SLC15A2: variants seen among roughly 807,000 people sequenced by gnomAD.
SLC15A2 encodes the protein solute carrier family 15 member 2, also known as kidney H(+)/peptide cotransporter.
Under a neutral mutation model 95.5 loss-of-function variants are expected in SLC15A2, and 77 were observed. That is an observed-to-expected ratio of 0.81 (90% CI 0.67 to 0.97). The LOEUF is 0.97. Among genes scored for constraint, SLC15A2 ranks in the 50% least tolerant of loss-of-function variants. The pLI is 0.00. For synonymous variants in SLC15A2, 306 were observed against 306.9 expected (o/e 1.00, Z 0.03); for missense variants, 893 against 874.4 (o/e 1.02, Z -0.27).
chr3:121,926,848 ATCCAAG>A (rs1710132627), intron 13 of SLC15A2, among the ~76,000 whole-genome samples: 3 of 152,260 alleles, frequency 2.0e-5, no homozygotes, highest in Admixed American at 1.3e-4. Flanking sequence ...GGGTGGAGCT[ATCCAAG>A]TCCTTGGGAG....
chr3:121,942,804 T>A lies in SLC15A2; in HGVS notation c.*1797T>A, dbSNP rs1465984650. 1 of 152,238 alleles carries A rather than the reference T, an allele frequency of 6.6e-6. No individual in the cohort carries two copies. The highest frequency in any genetic ancestry group is 1.9e-4 in the East Asian group (1 of 5,202). The allele number at this position is 152,238 out of a possible 1,614,324, so 9.4% of individuals were successfully genotyped here. On this transcript the variant is annotated 3_prime_UTR_variant, in exon 22 of 22. Transcript: ENST00000489711. ...TTCTTAACATTTGCATATTAAAGAC[T>A]CTGAGATATCCTGCAGTAAAGACAC...
At position 121,922,248 on chromosome 3, in the gene SLC15A2, C is replaced by T. The variant is rs1710020356; in HGVS notation, c.726C>T (p.Tyr242=). 1 of 1,613,874 alleles carries T rather than the reference C, an allele frequency of 6.2e-7. No homozygotes were observed. The highest frequency in any genetic ancestry group is 1.1e-5 in the South Asian group (1 of 91,040). The change falls in exon 8 of 22, where the codon TAC becomes TAT. Residue 242 remains tyrosine (Y), a synonymous_variant. Coordinates refer to ENST00000489711, the MANE Select transcript of SLC15A2 (RefSeq NM_021082.4). ...LVVFAMGSKI[Y]NKPPPEGNIV... ...TGTTTGCAATGGGAAGCAAAATATA[C>T]AATAAACCACCCCCTGAAGGAAACA...
At chr3:121,937,952 G>A (rs1172826950) in intron 19 of SLC15A2, among the ~76,000 whole-genome samples, 2 of 151,234 alleles carry the variant, frequency 1.3e-5, no homozygotes, top group Non-Finnish European at 3.0e-5. Context: ...TGGTGTGGAT[G>A]TCCTTTCTGT....
chr3:121,934,079 G>A (rs1246017837), intron 19 of SLC15A2, among the ~76,000 whole-genome samples: 1 of 151,956 alleles, frequency 6.6e-6, no homozygotes, highest in Non-Finnish European at 1.5e-5. Context: ...TTGTAGATAT[G>A]TGGCATTATT....
At chr3:121,909,974 A>C (rs1056632235) in intron 3 of SLC15A2, among the ~76,000 whole-genome samples, 8 of 127,502 alleles carry the variant, frequency 6.3e-5, no homozygotes, top group African/African-American at 2.1e-4. Flanking sequence ...ATATCACTCC[A>C]GCTCAAACTC....
At chr3:121,908,187 C>T (rs568132266) in intron 3 of SLC15A2, among the ~76,000 whole-genome samples, 82 of 152,358 alleles carry the variant, frequency 5.4e-4, no homozygotes, top group South Asian at 1.4e-3. Flanking sequence ...ACCCACCAAG[C>T]CAGGCGCAGG....
intron 2 of SLC15A2, among the ~76,000 whole-genome samples, chr3:121,897,118 T>C (rs752941884): frequency 1.1e-4 from 17 of 151,432 alleles, no homozygotes; most frequent in Middle Eastern, 3.2e-3. Context: ...GTTATGTTCA[T>C]GGTTGGCCTA....
At position 121,941,238 on chromosome 3, in the gene SLC15A2, C is replaced by A; in HGVS notation, c.*231C>A. 2.5e-6 allele frequency: 1 copy of A among 404,708 alleles called. No individual in the cohort carries two copies. Among genetic ancestry groups the A allele is most frequent in the Non-Finnish European group, 4.4e-6 (1 of 227,364 alleles). The allele number at this position is 404,708 out of a possible 1,614,324, so 25.1% of individuals were successfully genotyped here. On this transcript the variant is annotated 3_prime_UTR_variant, in exon 22 of 22. Coordinates refer to ENST00000489711, the MANE Select transcript of SLC15A2 (RefSeq NM_021082.4). The stretch of plus-strand genomic sequence containing the variant: ...ACTCATTAAAACTTGTGCAGTGTTG[C>A]TGGAGCTGGCCTGGTGTCTCCAAAT...
chr3:121,908,765 T>A (rs2107579996), intron 3 of SLC15A2, among the ~76,000 whole-genome samples: 1 of 152,348 alleles, frequency 6.6e-6, no homozygotes, highest in African/African-American at 2.4e-5. Context: ...AATGTATTAC[T>A]TCTTTCTCTT....
chr3:121,896,991 C>T (rs570119846), intron 2 of SLC15A2, among the ~76,000 whole-genome samples: 2 of 148,874 alleles, frequency 1.3e-5, no homozygotes, highest in South Asian at 2.2e-4. Flanking sequence ...GAGCTAACAG[C>T]TCTTGGCTAA....
chr3:121,927,592 A>G lies in SLC15A2; in HGVS notation c.1125-166A>G, dbSNP rs1253867530. ...GTGCTTCCTGTAAAGCTACAGAACC[A>G]TAAGCCAATTAAACTTCTTTTCTTT... On this transcript the variant is annotated intron_variant, in intron 13 of 21. Coordinates refer to ENST00000489711, the MANE Select transcript of SLC15A2 (RefSeq NM_021082.4). The G allele has an allele frequency of 8.8e-6, 5 of 569,192 alleles. No individual in the cohort carries two copies. The East Asian group carries it at 1.2e-4, about 13-fold the overall frequency. 35.3% of individuals were successfully genotyped at this position (569,192 alleles called of 1,614,324 possible).
At chr3:121,903,059 G>A (rs545975797) in intron 3 of SLC15A2, among the ~76,000 whole-genome samples, 1 of 152,330 alleles carries the variant, frequency 6.6e-6, no homozygotes, top group East Asian at 1.9e-4. Context: ...ACTGGTGTGA[G>A]ATGGTATCTC....
intron 6 of SLC15A2, 113 bp downstream of exon 6, chr3:121,915,430 A>C (rs1304061317): frequency 2.4e-6 from 2 of 843,980 alleles, no homozygotes; most frequent in Non-Finnish European, 3.9e-6. Context: ...ATAATCTGTG[A>C]AAATTTATTT....
At chr3:121,929,565 T>C (rs551052273) in intron 17 of SLC15A2, among the ~76,000 whole-genome samples, 5 of 152,206 alleles carry the variant, frequency 3.3e-5, no homozygotes, top group Non-Finnish European at 5.9e-5. Context: ...GTATGCCCCC[T>C]GTACTCTGGG....
At chr3:121,932,409 A>G (rs1042075059) in intron 19 of SLC15A2, among the ~76,000 whole-genome samples, 31 of 152,200 alleles carry the variant, frequency 2.0e-4, no homozygotes, top group Non-Finnish European at 4.1e-4. Flanking sequence ...GGCCAGCTTC[A>G]TATGCAGATC....
chr3:121,913,320 G>T (rs1293044447), intron 5 of SLC15A2, among the ~76,000 whole-genome samples, 200 bp downstream of exon 5: 1 of 152,152 alleles, frequency 6.6e-6, no homozygotes, highest in Non-Finnish European at 1.5e-5. Context: ...GGTGGTAGAT[G>T]AACTAAAAGG....
At chr3:121,936,439 C>T (rs568431900) in intron 19 of SLC15A2, among the ~76,000 whole-genome samples, 32 of 152,240 alleles carry the variant, frequency 2.1e-4, no homozygotes, top group African/African-American at 7.5e-4. Flanking sequence ...CTTTATGACT[C>T]TGGGTGCTCC....
intron 3 of SLC15A2, among the ~76,000 whole-genome samples, chr3:121,903,509 T>A (rs1220863725): frequency 2.0e-5 from 3 of 152,204 alleles, no homozygotes; most frequent in Non-Finnish European, 4.4e-5. Context: ...CTTTAATCCA[T>A]CTTGAATTAA....
At chr3:121,921,579 T>G (rs9816215) in intron 7 of SLC15A2, among the ~76,000 whole-genome samples, 67,956 of 151,952 alleles carry the variant, frequency 0.45, 15,790 homozygotes, top group East Asian at 0.69. Flanking sequence ...CAAATAGATG[T>G]TAGGGATAAC....
Sources: allele counts gnomAD v4.1 joint callset (sites outside exome capture counted in the v4.1 genomes callset), GRCh38; gene constraint gnomAD v4.1.1; transcripts MANE v1.5; gene names NCBI Gene and HGNC (gene_info 2026-07-23, HGNC 2026-07-21).